MID1: variants seen among roughly 807,000 people sequenced by gnomAD.
MID1 encodes the protein midline 1, also known as E3 ubiquitin-protein ligase Midline-1.
Under a neutral mutation model 40.4 loss-of-function variants are expected in MID1, and 7 were observed. That is an observed-to-expected ratio of 0.17 (90% CI 0.10 to 0.33). The LOEUF is 0.33. Among genes scored for constraint, MID1 ranks in the 10% least tolerant of loss-of-function variants. The pLI, the probability that MID1 is intolerant of heterozygous loss-of-function variation, is 1.00. For synonymous variants in MID1, 229 were observed against 221.2 expected (o/e 1.04, Z -0.31); for missense variants, 367 against 558.5 (o/e 0.66, Z 3.46).
intron 9 of MID1, among the ~76,000 whole-genome samples, chrX:10,450,864 A>G (rs1457275905): frequency 5.4e-5 from 6 of 111,957 alleles, no homozygotes; most frequent in Non-Finnish European, 1.1e-4. Flanking sequence ...AACAAAACCC[A>G]TCACTCTTTA....
intron 1 of MID1, among the ~76,000 whole-genome samples, chrX:10,653,978 A>G (rs2042851925): frequency 8.9e-6 from 1 of 112,592 alleles, no homozygotes; most frequent in South Asian, 3.7e-4. Flanking sequence ...GAAACATTAG[A>G]AAGATGTATG....
chrX:10,807,591 C>T (rs2044057089), intron 1 of MID1, among the ~76,000 whole-genome samples: 1 of 111,857 alleles, frequency 8.9e-6, no homozygotes, highest in Non-Finnish European at 1.9e-5. Context: ...TGCTCAGCTC[C>T]TACAGGCTGC....
At chrX:10,591,755 C>T (rs1282369570) in intron 1 of MID1, among the ~76,000 whole-genome samples, 1 of 109,091 alleles carries the variant, frequency 9.2e-6, no homozygotes, top group Non-Finnish European at 1.9e-5. Flanking sequence ...CATCCTGATC[C>T]TGACTGGCAG....
intron 1 of MID1, among the ~76,000 whole-genome samples, chrX:10,781,845 T>C: frequency 8.9e-6 from 1 of 112,525 alleles, no homozygotes; most frequent in Non-Finnish European, 1.9e-5. Flanking sequence ...TTTTAAGAAC[T>C]CTGGACCACT....
intron 1 of MID1, among the ~76,000 whole-genome samples, chrX:10,760,733 G>A (rs1343647143): frequency 1.8e-5 from 2 of 111,597 alleles, no homozygotes; most frequent in Non-Finnish European, 3.8e-5. Flanking sequence ...GAGGCAGGAG[G>A]ATTGCTTGAG....
intron 3 of MID1, among the ~76,000 whole-genome samples, chrX:10,506,980 A>G (rs1413078680): frequency 9.0e-6 from 1 of 111,697 alleles, no homozygotes; most frequent in East Asian, 2.8e-4. Flanking sequence ...ACCAAAATGT[A>G]TATTTCCTCA....
chrX:10,780,480 G>A (rs1382425369), intron 1 of MID1, among the ~76,000 whole-genome samples: 1 of 112,025 alleles, frequency 8.9e-6, no homozygotes, highest in Admixed American at 9.5e-5. Context: ...TACACTGCAG[G>A]CAGCATCAGA....
rs776342916 is a variant in MID1, at chrX:10,689,960, CAT to C, written c.-186-69543_-186-69542del. Among the ~76,000 whole-genome samples the C allele has an allele frequency of 4.8e-5, 5 of 104,520 alleles. No individual in the cohort carries two copies. In the East Asian group the frequency reaches 9.4e-4, roughly 20 times the overall value. 90.8% of individuals were successfully genotyped at this position (104,520 alleles called of 115,157 possible). On this transcript the variant is annotated intron_variant, in intron 1 of 10. Transcript: ENST00000380785. ...TACTCTTTATAGACAGAGAAAATAA[CAT>C]GTGTAAAAACTTGGAGTGTCCAGAA...
At chrX:10,691,752 G>T (rs2043132534) in intron 1 of MID1, among the ~76,000 whole-genome samples, 1 of 112,098 alleles carries the variant, frequency 8.9e-6, no homozygotes, top group Admixed American at 9.4e-5. Context: ...CTGGCTGCCT[G>T]CAGGGTCAGG....
At chrX:10,462,217 T>C (rs1435823923) in intron 7 of MID1, among the ~76,000 whole-genome samples, 1 of 112,197 alleles carries the variant, frequency 8.9e-6, no homozygotes, top group African/African-American at 3.2e-5. Flanking sequence ...ACACTATTAC[T>C]GTTTAGGTTT....
chrX:10,495,722 T>C (rs1370613029), intron 3 of MID1, 31 bp from the exon 4 acceptor site: 1 of 1,044,935 alleles, frequency 9.6e-7, no homozygotes, highest in Admixed American at 2.2e-5. Context: ...TAAGTGTTAA[T>C]TTGGCCTTTG....
intron 1 of MID1, among the ~76,000 whole-genome samples, chrX:10,691,309 G>A (rs977303441): frequency 6.3e-5 from 7 of 111,763 alleles, no homozygotes; most frequent in East Asian, 5.6e-4. Flanking sequence ...AGGCCAAGGC[G>A]GGCAGATCAC....
chrX:10,540,003 C>T (rs1047473944), intron 2 of MID1, among the ~76,000 whole-genome samples: 1 of 112,465 alleles, frequency 8.9e-6, no homozygotes, highest in African/African-American at 3.2e-5. Context: ...GAGTTCAAGA[C>T]CAGCCTGGCC....
chrX:10,545,002 G>T (rs1933626670), intron 2 of MID1, among the ~76,000 whole-genome samples: 1 of 111,934 alleles, frequency 8.9e-6, no homozygotes, highest in African/African-American at 3.2e-5. Context: ...TCTCACCTAG[G>T]CTGAAGTGCA....
chrX:10,765,977 AAGAAAGAAAG>A (rs1166872997), intron 1 of MID1, among the ~76,000 whole-genome samples: 3 of 107,388 alleles, frequency 2.8e-5, no homozygotes, highest in Non-Finnish European at 5.8e-5. Context: ...GAAAGAAAGA[AAGAAAGAAAG>A]AAAGAAAGAA....
At chrX:10,729,698 T>C (rs1035630930) in intron 1 of MID1, among the ~76,000 whole-genome samples, 10 of 112,236 alleles carry the variant, frequency 8.9e-5, no homozygotes, top group African/African-American at 3.2e-4. Flanking sequence ...AACTTAGACA[T>C]GAACTCATTA....
intron 3 of MID1, among the ~76,000 whole-genome samples, chrX:10,515,138 G>T (rs1350922462): frequency 8.9e-6 from 1 of 112,353 alleles, no homozygotes; most frequent in Non-Finnish European, 1.9e-5. Flanking sequence ...TACGGAGAGA[G>T]AATGCTTTGG....
At chrX:10,541,182 G>T (rs749536170) in intron 2 of MID1, among the ~76,000 whole-genome samples, 1 of 112,205 alleles carries the variant, frequency 8.9e-6, no homozygotes, top group African/African-American at 3.2e-5. Context: ...TCCCATACAT[G>T]AGCCGAAAAG....
intron 3 of MID1, among the ~76,000 whole-genome samples, chrX:10,496,687 A>C (rs1267435849): frequency 3.6e-5 from 4 of 112,292 alleles, no homozygotes; most frequent in African/African-American, 1.3e-4. Flanking sequence ...TAATTGGAGT[A>C]ATTTCATTCT....
Sources: gnomAD v4.1 joint callset for allele counts (sites outside exome capture counted in the v4.1 genomes callset) on GRCh38, gnomAD v4.1.1 for gene constraint, MANE v1.5 for transcripts, NCBI Gene and HGNC (gene_info 2026-07-23, HGNC 2026-07-21) for gene names.